The following CIT variants were observed in gnomAD, a reference collection of about 807,000 sequenced individuals.
CIT encodes the protein citron Rho-interacting kinase.
In CIT, 79 loss-of-function variants were observed where a neutral mutation model predicts 272.7. The ratio of observed to expected loss-of-function variants is 0.29; its 90% confidence interval spans 0.24 to 0.35. CIT has a LOEUF of 0.35. CIT is among the 10% of genes least tolerant of loss of function. CIT has a pLI of 1.00. For missense variants in CIT, 1,909 were observed against 2,618.3 expected, an observed-to-expected ratio of 0.73 and a Z score of 5.91; for synonymous variants, 948 against 995.6, an observed-to-expected ratio of 0.95 and a Z score of 0.90.
At chr12:119,715,667 T>C (rs1249871950) in intron 32 of CIT, among the ~76,000 whole-genome samples, 1 of 152,200 alleles carries the variant, frequency 6.6e-6, no homozygotes, top group African/African-American at 2.4e-5. Flanking sequence ...AATTGTACAT[T>C]TTTAATGAGC....
intron 9 of CIT, among the ~76,000 whole-genome samples, chr12:119,813,830 G>A (rs944392637): frequency 6.6e-6 from 1 of 152,204 alleles, no homozygotes; most frequent in Non-Finnish European, 1.5e-5. Context: ...CCAGGTCACA[G>A]GGGGTCTCAT....
chr12:119,825,282 G>A lies in CIT; in HGVS notation c.840C>T (p.Tyr280=), dbSNP rs56011640. The change falls in exon 8 of 48, where the codon TAC becomes TAT. Residue 280 remains tyrosine, a synonymous_variant. Transcript: ENST00000392521. ...CTGACCACCAGTCACAGTCCAGGCC[G>A]TAGGTGCCTTTTCCATCCCCGTTCA... The part of the protein sequence containing the change: ...TVMNGDGKGT[Y]GLDCDWWSVG... 1,298 of 1,614,116 alleles carry A rather than the reference G, an allele frequency of 8.0e-4. No homozygotes were observed. Among genetic ancestry groups the A allele is most frequent in the Non-Finnish European group, 1.0e-3 (1,199 of 1,180,020 alleles).
In CIT at chr12:119,784,807, C is replaced by T; in HGVS notation, c.1401+153G>A. The T allele has an allele frequency of 6.9e-7, 1 of 1,444,024 alleles. No individual in the cohort carries two copies. Among genetic ancestry groups the T allele is most frequent in the Non-Finnish European group, 9.1e-7 (1 of 1,100,312 alleles). 89.5% of individuals were successfully genotyped at this position (1,444,024 alleles called of 1,614,324 possible). ...AGGCCCGAATTCATCTCCCTCTGAG[C>T]TGCTGGAGGCGCGACTTCAGCGAAG... is the stretch of plus-strand genomic sequence containing the variant. On this transcript the variant is annotated intron_variant, in intron 11 of 47. Transcript: ENST00000392521. The surrounding 1 kb of genome is among the most constrained non-coding windows in gnomAD (Gnocchi z 4.7).
At chr12:119,711,054 C>G (rs751935300) in intron 37 of CIT, 3 of 1,367,102 alleles carry the variant, frequency 2.2e-6, no homozygotes, top group African/African-American at 1.5e-5. Context: ...TTTACCTGAA[C>G]CCAGGCAGGC....
chr12:119,820,641 T>C (rs930600766), intron 9 of CIT, among the ~76,000 whole-genome samples: 3 of 152,112 alleles, frequency 2.0e-5, no homozygotes, highest in African/African-American at 7.2e-5. Context: ...TTTGCAACTT[T>C]TCTATAAATC....
intron 9 of CIT, among the ~76,000 whole-genome samples, chr12:119,811,016 A>G (rs1211752351): frequency 6.6e-6 from 1 of 152,176 alleles, no homozygotes; most frequent in Non-Finnish European, 1.5e-5. Context: ...ACTTGCCCAC[A>G]CAACACACTG....
chr12:119,760,891 T>C (rs750950390), intron 20 of CIT, 48 bp downstream of exon 20: 20 of 1,245,396 alleles, frequency 1.6e-5, no homozygotes, highest in Non-Finnish European at 2.2e-5. Flanking sequence ...CTTGGCATAT[T>C]TCAAAAACCC....
intron 46 of CIT, among the ~76,000 whole-genome samples, chr12:119,695,629 CTACAAAAAA>C (rs1956185206): frequency 6.6e-6 from 1 of 152,162 alleles, no homozygotes; most frequent in Non-Finnish European, 1.5e-5. Context: ...AACTCCATCT[CTACAAAAAA>C]TACAAAAATT....
At position 119,787,726 on chromosome 12, in the gene CIT, G is replaced by A. The variant is rs1383337430; in HGVS notation, c.1296-2661C>T. Among the ~76,000 whole-genome samples the A allele has an allele frequency of 2.3e-4, 8 of 34,952 alleles. No individual in the cohort carries two copies. The South Asian group carries it at 3.9e-3, about 17-fold the overall frequency. The allele number at this position is 34,952 out of a possible 152,430, so 22.9% of individuals were successfully genotyped here. A position where few individuals can be genotyped will look rare whatever the true frequency, so the allele number is the denominator to read the frequency against. On this transcript the variant is annotated intron_variant, in intron 10 of 47. Coordinates refer to ENST00000392521, the MANE Select transcript of CIT (RefSeq NM_001206999.2). The stretch of plus-strand genomic sequence containing the variant: ...AGCCTGGGCAACAGAGTGAGACTCC[G>A]TCTCAAAAAAAAAAAAAAAAAAAGC...
chr12:119,855,839 G>A (rs11064929), intron 4 of CIT, among the ~76,000 whole-genome samples: 7,427 of 151,920 alleles, frequency 0.049, 361 homozygotes, highest in African/African-American at 0.12. Context: ...CTTTTTACAC[G>A]CACTATTTCC....
rs749580618 is a variant in CIT at position 119,834,191 on chromosome 12, AG to A, written c.553del (p.Leu185PhefsTer2). The A allele has an allele frequency of 1.9e-6, 3 of 1,613,592 alleles. No homozygotes were observed. The African/African-American group carries it at 4.0e-5, about 22-fold the overall frequency. On this transcript the variant is annotated frameshift_variant, in exon 6 of 48. Transcript: ENST00000392521. LOFTEE classifies it high-confidence loss of function. ...TAACTGGTCCTCATATCTATTCAAA[AG>A]TGACAGCAAGTCCCCTCCAGGCTGA... ...EYQPGGDLLS[L>X]LNRYEDQLDE... is the part of the protein sequence containing the mutation.
chr12:119,825,051 C>G lies in CIT; in HGVS notation c.957+114G>C, dbSNP rs907364880. Reference sequence around the variant, plus strand: ...TCCTGACCTCGTGATCCACCCACCTCGGCCTCCCAAAGTGCCGGGATTACA... The same window carrying G: ...TCCTGACCTCGTGATCCACCCACCTGGGCCTCCCAAAGTGCCGGGATTACA... On this transcript the variant is annotated intron_variant, in intron 8 of 47. Transcript: ENST00000392521. 1.4e-5 allele frequency: 11 copies of G among 799,856 alleles called. 1 individual carries two copies. The South Asian group carries it at 1.4e-4, about 10-fold the overall frequency. 49.5% of individuals were successfully genotyped at this position (799,856 alleles called of 1,614,324 possible).
chr12:119,799,615 T>A (rs1452982195), intron 10 of CIT, among the ~76,000 whole-genome samples: 1 of 152,162 alleles, frequency 6.6e-6, no homozygotes, highest in African/African-American at 2.4e-5. Context: ...AGACACCATC[T>A]TCCCACAAAT....
rs904655 is a variant in CIT at position 119,752,074 on chromosome 12, A to G, written c.2880T>C (p.Ala960=). The G allele has an allele frequency of 0.55, 889,347 of 1,610,650 alleles. 247,342 individuals carry two copies. The highest frequency in any genetic ancestry group is 0.65 in the African/African-American group (48,300 of 74,792). ...CCGTGAGTGCCTGGATCTCCTCTTC[A>G]GCTTCTGCTGTGGTCTCTTCCAGCT... The part of the protein sequence containing the change: ...KTELEETTAE[A]EEEIQALTAH... Residue 960 remains alanine (A), a synonymous_variant, in exon 23 of 48, where the codon GCT becomes GCC. Transcript: ENST00000392521.
At chr12:119,747,489 G>C (rs946278704) in intron 23 of CIT, among the ~76,000 whole-genome samples, 3 of 150,662 alleles carry the variant, frequency 2.0e-5, no homozygotes, top group African/African-American at 7.3e-5. Context: ...GGGAGGCAGA[G>C]GCGGGTGGAT....
At chr12:119,769,447 T>C (rs1329762522) in intron 18 of CIT, among the ~76,000 whole-genome samples, 1 of 152,226 alleles carries the variant, frequency 6.6e-6, no homozygotes, top group African/African-American at 2.4e-5. Context: ...GAACAGTGCC[T>C]GGCACATAGT....
At chr12:119,847,476 C>T (rs940003521) in intron 5 of CIT, among the ~76,000 whole-genome samples, 2 of 152,002 alleles carry the variant, frequency 1.3e-5, no homozygotes, top group African/African-American at 4.8e-5. Flanking sequence ...CGCCTGTAGT[C>T]CCAGCTACAC....
chr12:119,779,907 G>A (rs1964128031), intron 13 of CIT, among the ~76,000 whole-genome samples: 1 of 152,192 alleles, frequency 6.6e-6, no homozygotes. Context: ...CCAAATCCCT[G>A]CTTCAGGAAA....
At chr12:119,854,984 T>C (rs1203559080) in intron 4 of CIT, among the ~76,000 whole-genome samples, 1 of 151,982 alleles carries the variant, frequency 6.6e-6, no homozygotes, top group East Asian at 1.9e-4. Flanking sequence ...GTTAACTGGG[T>C]GTGGCAGCAC....
Sources: gnomAD v4.1 joint callset for allele counts (sites outside exome capture counted in the v4.1 genomes callset) on GRCh38, gnomAD v4.1.1 for gene constraint, Gnocchi (gnomAD v3.1) non-coding constraint, MANE v1.5 for transcripts, NCBI Gene and HGNC (gene_info 2026-07-23, HGNC 2026-07-21) for gene names.